Variants in KCNH2 observed in about 807,000 individuals in gnomAD.
The protein encoded by KCNH2 is voltage-gated inwardly rectifying potassium channel KCNH2.
In KCNH2, 35 loss-of-function variants were observed where a neutral mutation model predicts 95.9. The observed-to-expected ratio is 0.37, with a 90% confidence interval of 0.28 to 0.48. The LOEUF (loss-of-function observed/expected upper bound fraction) is 0.48, where lower values mean the gene tolerates loss of function less well. Among genes scored for constraint, KCNH2 ranks in the 20% least tolerant of loss-of-function variants. KCNH2 has a pLI of 0.99. For missense variants in KCNH2, 1,274 were observed against 1,702.9 expected, an observed-to-expected ratio of 0.75 and a Z score of 4.43; for synonymous variants, 786 against 754.7, an observed-to-expected ratio of 1.04 and a Z score of -0.68.
Position 150,971,721 on chromosome 7 carries a change from G to A in KCNH2, c.307+2990C>T, listed in dbSNP as rs141982640. Among the ~76,000 whole-genome samples the A allele has an allele frequency of 1.7e-3, 253 of 151,964 alleles. 1 individual carries two copies. Among genetic ancestry groups the A allele is most frequent in the Middle Eastern group, 3.4e-3 (1 of 294 alleles). On this transcript the variant is annotated intron_variant, in intron 2 of 14. Coordinates refer to ENST00000262186, the MANE Select transcript of KCNH2 (RefSeq NM_000238.4). ...CAGAGAGTAAGCCAGGCAGGCAGAAGACAAAGGCAAGGAGATGTGGGGAGT... is the reference window on the plus strand; with the variant it reads ...CAGAGAGTAAGCCAGGCAGGCAGAAAACAAAGGCAAGGAGATGTGGGGAGT...
At chr7:150,968,633 CTGGAG>C (rs1801762872) in intron 2 of KCNH2, among the ~76,000 whole-genome samples, 1 of 151,948 alleles carries the variant, frequency 6.6e-6, no homozygotes, top group South Asian at 2.1e-4. Context: ...GGTAATGAGA[CTGGAG>C]AGTGAGATAA....
At chr7:150,951,881 G>A (rs758361779) in intron 6 of KCNH2, 46 bp from the exon 7 acceptor site, 8 of 1,521,058 alleles carry the variant, frequency 5.3e-6, no homozygotes, top group Admixed American at 3.8e-5. Context: ...GGCAAGGGGG[G>A]CAAGGGAGGA....
chr7:150,958,006 T>C (rs1483105220), intron 4 of KCNH2, 53 bp downstream of exon 4: 1 of 1,253,652 alleles, frequency 8.0e-7, no homozygotes, highest in Non-Finnish European at 1.0e-6. Context: ...GCAGCAAGCC[T>C]GGCAGCAGAA....
chr7:150,959,071 G>A (rs1236320640), intron 3 of KCNH2, among the ~76,000 whole-genome samples: 1 of 152,226 alleles, frequency 6.6e-6, no homozygotes, highest in Non-Finnish European at 1.5e-5. Context: ...GGATGGTCCA[G>A]CCCAGGTGGG....
intron 2 of KCNH2, among the ~76,000 whole-genome samples, chr7:150,959,941 C>T (rs992426858): frequency 6.6e-6 from 1 of 152,218 alleles, no homozygotes; most frequent in East Asian, 1.9e-4. Context: ...TCTACCCCAG[C>T]TTGTTGCTGC....
At chr7:150,969,662 T>C (rs1801789721) in intron 2 of KCNH2, among the ~76,000 whole-genome samples, 1 of 152,228 alleles carries the variant, frequency 6.6e-6, no homozygotes, top group South Asian at 2.1e-4. Flanking sequence ...TGCCGAGCTC[T>C]CGCTGTGCAC....
At chr7:150,970,410 C>G (rs375516438) in intron 2 of KCNH2, among the ~76,000 whole-genome samples, 1 of 151,942 alleles carries the variant, frequency 6.6e-6, no homozygotes, top group Admixed American at 6.6e-5. Context: ...AGACGCAACA[C>G]GGAGAAGCCG....
rs1275528026 is a variant in KCNH2 at position 150,951,805 on chromosome 7, G to A, written c.1588C>T (p.Leu530=). The A allele has an allele frequency of 6.3e-7, 1 of 1,590,110 alleles. No homozygotes were observed. Among genetic ancestry groups the A allele is most frequent in the Non-Finnish European group, 8.6e-7 (1 of 1,164,356 alleles). The stretch of plus-strand genomic sequence containing the variant: ...TTCCGCGCCACGCGCACCAGCCGCA[G>A]CAGCCGCGCAGTCTTCAGCAGCCCG... ...LIGLLKTARL[L]RLVRVARKLD... is the part of the protein sequence containing the mutation. The change falls in exon 7 of 15, where the codon CTG becomes TTG. Residue 530 remains leucine, a synonymous_variant. Coordinates refer to ENST00000262186, the MANE Select transcript of KCNH2 (RefSeq NM_000238.4).
At chr7:150,948,686 T>C (rs924450228) in intron 10 of KCNH2, 143 bp from the exon 11 acceptor site, 105 of 1,089,976 alleles carry the variant, frequency 9.6e-5, no homozygotes, top group Non-Finnish European at 1.3e-4. Context: ...CAATGTGATT[T>C]TGCCCCAGGC....
Position 150,952,509 on chromosome 7 carries a change from G to T in KCNH2, c.1473C>A (p.Val491=). The T allele has an allele frequency of 6.2e-7, 1 of 1,614,168 alleles. No homozygotes were observed. The highest frequency in any genetic ancestry group is 8.5e-7 in the Non-Finnish European group (1 of 1,180,024). ...TGAGGAACCAGCCCTTGAAGTAGTGGACGGCGATGCGGCCGGGGTGGCTGA... is the reference window on the plus strand; with the variant it reads ...TGAGGAACCAGCCCTTGAAGTAGTGTACGGCGATGCGGCCGGGGTGGCTGA... The part of the protein sequence containing the change: ...EVVSHPGRIA[V]HYFKGWFLID... The change falls in exon 6 of 15, where the codon GTC becomes GTA. Residue 491 remains valine (V), a synonymous_variant. Coordinates refer to ENST00000262186, the MANE Select transcript of KCNH2 (RefSeq NM_000238.4). The surrounding 1 kb of genome is among the most constrained non-coding windows in gnomAD (Gnocchi z 7.3).
chr7:150,954,865 G>T (rs577568941), intron 5 of KCNH2, among the ~76,000 whole-genome samples: 1 of 152,322 alleles, frequency 6.6e-6, no homozygotes, highest in South Asian at 2.1e-4. Flanking sequence ...CCCATGAAGA[G>T]ATGAGCCAGG....
intron 2 of KCNH2, among the ~76,000 whole-genome samples, chr7:150,972,808 T>C (rs1801873286): frequency 6.6e-6 from 1 of 152,178 alleles, no homozygotes; most frequent in East Asian, 1.9e-4. Flanking sequence ...GATCCCACAA[T>C]AACTCCTCTG....
chr7:150,954,875 G>A (rs1307363271), intron 5 of KCNH2, among the ~76,000 whole-genome samples: 2 of 152,182 alleles, frequency 1.3e-5, no homozygotes, highest in Admixed American at 1.3e-4. Context: ...GATGAGCCAG[G>A]TGCCTCAGCC....
intron 9 of KCNH2, chr7:150,949,408 ATTTTTTTTTTTT>A (rs1035990140): frequency 8.0e-6 from 3 of 375,780 alleles, no homozygotes; most frequent in African/African-American, 2.9e-5. Context: ...CAAAACCAGC[ATTTTTTTTTTTT>A]TTTTTTTTTT....
chr7:150,977,974 C>A lies in KCNH2; in HGVS notation c.-61G>T. The stretch of plus-strand genomic sequence containing the variant: ...CACCCCGGCCCGGCCCGGCCCAGCA[C>A]TAGGCTTCGGGTGGCCCGGCCGGGC... On this transcript the variant is annotated 5_prime_UTR_variant, in exon 1 of 15. Transcript: ENST00000262186. 1 of 1,048,298 alleles carries A rather than the reference C, an allele frequency of 9.5e-7. No individual in the cohort carries two copies. The allele number at this position is 1,048,298 out of a possible 1,614,324, so 64.9% of individuals were successfully genotyped here.
At position 150,957,436 on chromosome 7, in the gene KCNH2, C is replaced by T. The variant is rs747437736; in HGVS notation, c.983G>A (p.Arg328His). The T allele has an allele frequency of 6.8e-6, 11 of 1,614,058 alleles. No homozygotes were observed. The African/African-American group carries it at 8.0e-5, about 12-fold the overall frequency. The stretch of plus-strand genomic sequence containing the variant: ...GATTTGGGGAATCTTGCTAATGGTG[C>T]GGTAGCGCACGAGGTCGGAGTCCGA... ...STSDSDLVRY[R>H]TISKIPQITL... Residue 328 changes from arginine to histidine, a missense_variant, in exon 5 of 15, where the codon CGC becomes CAC. Arg to His is a conservative substitution (Grantham distance 29). Around this residue, in one of 7 missense-constraint regions of KCNH2, gnomAD observed 392 missense variants for 429.9 expected, o/e 0.91. Coordinates refer to ENST00000262186, the MANE Select transcript of KCNH2 (RefSeq NM_000238.4).
rs72549419 is a variant in KCNH2, at chr7:150,974,946, G to T, written c.77-5C>A. 2.2e-5 allele frequency: 35 copies of T among 1,589,298 alleles called. No individual in the cohort carries two copies. The highest frequency in any genetic ancestry group is 6.8e-5 in the Admixed American group (4 of 58,564). On this transcript the variant is annotated splice_region_variant and splice_polypyrimidine_tract_variant and intron_variant, in intron 1 of 14. Transcript: ENST00000262186. ...TGGCGATGATGAACTTACGGCCTAG[G>T]GGGGCGGGGAGGAGAGTGCGCGTGA...
chr7:150,950,060 G>A lies in KCNH2; in HGVS notation c.2398+108C>T, dbSNP rs1801075833. ...TGAATTAAAGGAGCCCAGTGACCCT[G>A]CAGGCAGTCCCAGGTCCACAGCCCC... On this transcript the variant is annotated intron_variant, in intron 9 of 14. Coordinates refer to ENST00000262186, the MANE Select transcript of KCNH2 (RefSeq NM_000238.4). 6.2e-7 allele frequency: 1 copy of A among 1,611,952 alleles called. No individual in the cohort carries two copies. The highest frequency in any genetic ancestry group is 2.2e-5 in the East Asian group (1 of 44,782).
Position 150,974,898 on chromosome 7 carries a change from G to T in KCNH2, c.120C>A (p.Ala40=). The T allele has an allele frequency of 6.2e-7, 1 of 1,611,298 alleles. No individual in the cohort carries two copies. Among genetic ancestry groups the T allele is most frequent in the Non-Finnish European group, 8.5e-7 (1 of 1,179,226 alleles). ...AGAAGCCGTCGTTGCAGTAGATGAC[G>T]GCGCAGTTCTCCACCCGAGCGTTGG... The part of the protein sequence containing the change: ...IIANARVENC[A]VIYCNDGFCE... The change falls in exon 2 of 15, where the codon GCC becomes GCA. Residue 40 remains alanine, a synonymous_variant. Transcript: ENST00000262186.
Sources: allele counts gnomAD v4.1 joint callset (sites outside exome capture counted in the v4.1 genomes callset), GRCh38; gene constraint gnomAD v4.1.1; regional missense constraint gnomAD v4.1.1; non-coding constraint Gnocchi (gnomAD v3.1); transcripts MANE v1.5; gene names NCBI Gene and HGNC (gene_info 2026-07-23, HGNC 2026-07-21).